Variants in IP6K2 observed in about 807,000 individuals in gnomAD.
The protein encoded by IP6K2 is ATP:1D-myo-inositol-hexakisphosphate phosphotransferase.
A neutral mutation model predicts 43.3 loss-of-function variants in IP6K2; 9 were observed. That is an observed-to-expected ratio of 0.21 (90% CI 0.13 to 0.36). The LOEUF is 0.36. Among genes scored for constraint, IP6K2 ranks in the 10% least tolerant of loss-of-function variants. The pLI, the probability that IP6K2 is intolerant of heterozygous loss-of-function variation, is 1.00. For synonymous variants in IP6K2, 209 were observed against 202.4 expected (o/e 1.03, Z -0.28); for missense variants, 332 against 538.4 (o/e 0.62, Z 3.79).
chr3:48,702,057 C>T (rs1018185173), intron 1 of IP6K2, among the ~76,000 whole-genome samples: 4 of 152,014 alleles, frequency 2.6e-5, no homozygotes, highest in African/African-American at 9.7e-5. Context: ...TTGACCTCTA[C>T]TAAAATAAAT....
At chr3:48,714,053 G>A (rs1023876832) in intron 1 of IP6K2, among the ~76,000 whole-genome samples, 9 of 152,188 alleles carry the variant, frequency 5.9e-5, no homozygotes, top group Non-Finnish European at 1.0e-4. Context: ...AGAGGCGAAG[G>A]TTGTAGTGAG....
chr3:48,693,373 A>G (rs2077972393), intron 2 of IP6K2, 194 bp from the exon 3 acceptor site: 2 of 1,152,620 alleles, frequency 1.7e-6, no homozygotes, highest in Non-Finnish European at 2.6e-6. Context: ...ACAAGCAATT[A>G]GGGAGCAAAC....
chr3:48,697,573 T>G (rs576320912), intron 1 of IP6K2, among the ~76,000 whole-genome samples: 202 of 139,148 alleles, frequency 1.5e-3, no homozygotes, highest in African/African-American at 5.1e-3. Context: ...ACTCCTAACC[T>G]CAGGTGATCT....
chr3:48,705,218 A>AG (rs1177777346), intron 1 of IP6K2, among the ~76,000 whole-genome samples: 2 of 152,096 alleles, frequency 1.3e-5, no homozygotes, highest in African/African-American at 4.8e-5. Context: ...CTGGGATTAC[A>AG]GGCGTGAATC....
Position 48,688,910 on chromosome 3 carries a change from C to T in IP6K2, c.781-137G>A. Reference sequence around the variant, plus strand: ...AAGTACACCAGTTGCACATGAGCCACTGTCCACTATGCTCTCTGATCAGCC... The same window carrying T: ...AAGTACACCAGTTGCACATGAGCCATTGTCCACTATGCTCTCTGATCAGCC... On this transcript the variant is annotated intron_variant, in intron 5 of 5. Coordinates refer to ENST00000328631, the MANE Select transcript of IP6K2 (RefSeq NM_016291.4). This position sits in a 1 kb window ranked among gnomAD's most constrained non-coding sequence, Gnocchi z 5.1. 1.1e-6 allele frequency: 1 copy of T among 930,728 alleles called. No homozygotes were observed. Among genetic ancestry groups the T allele is most frequent in the Non-Finnish European group, 1.6e-6 (1 of 631,112 alleles). The allele number at this position is 930,728 out of a possible 1,614,324, so 57.7% of individuals were successfully genotyped here.
chr3:48,700,091 TTTTAA>T (rs763407025), intron 1 of IP6K2, among the ~76,000 whole-genome samples: 1 of 152,180 alleles, frequency 6.6e-6, no homozygotes, highest in Non-Finnish European at 1.5e-5. Flanking sequence ...GATCCTTTTG[TTTTAA>T]TTATGTTCAA....
intron 2 of IP6K2, chr3:48,693,974 G>A: frequency 7.2e-7 from 1 of 1,379,818 alleles, no homozygotes; most frequent in East Asian, 2.9e-5. Flanking sequence ...TTCAGCAGGT[G>A]CCGACGAGCG....
At chr3:48,700,968 G>C (rs557801111) in intron 1 of IP6K2, among the ~76,000 whole-genome samples, 1 of 152,294 alleles carries the variant, frequency 6.6e-6, no homozygotes, top group Admixed American at 6.5e-5. Context: ...ATACATTGCT[G>C]GTAGCAATGC....
rs1168946685 is a variant in IP6K2 at position 48,717,195 on chromosome 3, T to C, written c.-169A>G. On this transcript the variant is annotated 5_prime_UTR_variant, in exon 1 of 6. Transcript: ENST00000328631. ...CGGGTTCCTCGGCGTTTCCGTCCTA[T>C]TGTTTCTCTCGCACCAAAATGGCTG... is the stretch of plus-strand genomic sequence containing the variant. The C allele has an allele frequency of 6.5e-6, 1 of 154,942 alleles. No individual in the cohort carries two copies. Among genetic ancestry groups the C allele is most frequent in the Non-Finnish European group, 1.5e-5 (1 of 68,306 alleles). The allele number at this position is 154,942 out of a possible 1,614,324, so 9.6% of individuals were successfully genotyped here.
At chr3:48,689,380 TG>T (rs1055925649) in intron 5 of IP6K2, among the ~76,000 whole-genome samples, 157 bp downstream of exon 5, 9 of 152,188 alleles carry the variant, frequency 5.9e-5, no homozygotes, top group African/African-American at 2.2e-4. Context: ...CTCTAACTCC[TG>T]ACCTCAGGTG....
Position 48,697,641 on chromosome 3 carries a change from A to G in IP6K2, c.-130-2220T>C, listed in dbSNP as rs543753260. On this transcript the variant is annotated intron_variant, in intron 1 of 5. Transcript: ENST00000328631. Reference sequence around the variant, plus strand: ...TGGATGTGAGCTACTGCACTTGGCCAATTTTTAATTTTTTCTTAAAAAAAT... The same window carrying G: ...TGGATGTGAGCTACTGCACTTGGCCGATTTTTAATTTTTTCTTAAAAAAAT... 6.0e-5 allele frequency among the ~76,000 whole-genome samples: 9 copies of G among 151,078 alleles called. No individual in the cohort carries two copies. The South Asian group carries it at 1.3e-3, about 21-fold the overall frequency.
chr3:48,694,258 A>G (rs2078062562), intron 2 of IP6K2: 2 of 1,551,434 alleles, frequency 1.3e-6, no homozygotes, highest in Non-Finnish European at 1.7e-6. Context: ...AAAACAACAG[A>G]GAAGGACCAA....
At chr3:48,705,583 T>C (rs1253293481) in intron 1 of IP6K2, among the ~76,000 whole-genome samples, 1 of 150,672 alleles carries the variant, frequency 6.6e-6, no homozygotes, top group African/African-American at 2.4e-5. Flanking sequence ...AGTGCAGGAG[T>C]TCCAGAATTC....
intron 1 of IP6K2, among the ~76,000 whole-genome samples, chr3:48,698,953 A>G (rs2078717648): frequency 6.6e-6 from 1 of 152,158 alleles, no homozygotes; most frequent in Non-Finnish European, 1.5e-5. Flanking sequence ...TATCACAGCA[A>G]TGCTAACAAC....
intron 2 of IP6K2, 113 bp from the exon 3 acceptor site, chr3:48,693,292 G>T: frequency 8.8e-7 from 1 of 1,138,896 alleles, no homozygotes; most frequent in Non-Finnish European, 1.3e-6. Context: ...TCTCTATGTT[G>T]CCAGAGGCCC....
chr3:48,689,417 G>T, intron 5 of IP6K2, 121 bp downstream of exon 5: 2 of 1,020,384 alleles, frequency 2.0e-6, no homozygotes, highest in Non-Finnish European at 2.8e-6. Flanking sequence ...CCCCCAAAGT[G>T]CTGGGATTAC....
Position 48,688,829 on chromosome 3 carries a change from C to T in IP6K2, c.781-56G>A. ...TGAGGGCCATCTCAAACCCTGGACC[C>T]CGGGCGGGGGTGGGGTGGTGTGGTG... On this transcript the variant is annotated intron_variant, in intron 5 of 5. Transcript: ENST00000328631. The surrounding 1 kb of genome is among the most constrained non-coding windows in gnomAD (Gnocchi z 5.1). 1 of 1,543,578 alleles carries T rather than the reference C, an allele frequency of 6.5e-7. No individual in the cohort carries two copies.
chr3:48,697,237 G>T (rs1215853310), intron 1 of IP6K2, among the ~76,000 whole-genome samples: 1 of 151,804 alleles, frequency 6.6e-6, no homozygotes, highest in Admixed American at 6.6e-5. Context: ...AGCCAGGATG[G>T]TCTTGATCTC....
chr3:48,691,359 G>A lies in IP6K2; in HGVS notation c.552C>T (p.His184=). 5 of 1,613,926 alleles carry A rather than the reference G, an allele frequency of 3.1e-6. No individual in the cohort carries two copies. Among genetic ancestry groups the A allele is most frequent in the Non-Finnish European group, 4.2e-6 (5 of 1,179,840 alleles). The change falls in exon 4 of 6, where the codon CAC becomes CAT. Residue 184 remains histidine (H), a synonymous_variant. Coordinates refer to ENST00000328631, the MANE Select transcript of IP6K2 (RefSeq NM_016291.4). The part of the protein sequence containing the change: ...KHYNPWSMKC[H]QQQLQRMKEN... ...CCTTCATTCTCTGTAACTGTTGCTG[G>A]TGACATTTCATGCTCCAAGGGTTAT... is the stretch of plus-strand genomic sequence containing the variant.
Sources: allele counts gnomAD v4.1 joint callset (sites outside exome capture counted in the v4.1 genomes callset), GRCh38; gene constraint gnomAD v4.1.1; non-coding constraint Gnocchi (gnomAD v3.1); transcripts MANE v1.5; gene names NCBI Gene and HGNC (gene_info 2026-07-23, HGNC 2026-07-21).